Variants in NCAM2 observed in about 807,000 individuals in gnomAD.
The protein encoded by NCAM2 is N-CAM-2.
In NCAM2, 30 loss-of-function variants were observed where a neutral mutation model predicts 98.1. The observed-to-expected ratio is 0.31, with a 90% CI of 0.23 to 0.41. The LOEUF (loss-of-function observed/expected upper bound fraction) is 0.41, where lower values mean the gene tolerates loss of function less well. Among genes scored for constraint, NCAM2 ranks in the 10% least tolerant of loss-of-function variants. NCAM2 has a pLI of 1.00. For synonymous variants in NCAM2, 368 were observed against 342.4 expected (o/e 1.07, Z -0.83); for missense variants, 867 against 1,005.8 (o/e 0.86, Z 1.87).
intron 4 of NCAM2, among the ~76,000 whole-genome samples, chr21:21,288,185 C>T (rs2073168443): frequency 6.6e-6 from 1 of 151,736 alleles, no homozygotes; most frequent in Admixed American, 6.6e-5. Context: ...TAAGGAATAG[C>T]CTGTACATGT....
intron 1 of NCAM2, among the ~76,000 whole-genome samples, chr21:21,181,065 C>T (rs1322220768): frequency 6.6e-6 from 1 of 152,056 alleles, no homozygotes; most frequent in Non-Finnish European, 1.5e-5. Context: ...TGAAACCTAA[C>T]CTACTGATCA....
intron 5 of NCAM2, among the ~76,000 whole-genome samples, chr21:21,300,217 A>G (rs1352887485): frequency 6.6e-6 from 1 of 151,970 alleles, no homozygotes; most frequent in Non-Finnish European, 1.5e-5. Context: ...GACCTGTGAG[A>G]GACAATCCCC....
At chr21:21,243,983 G>A (rs144649106) in intron 1 of NCAM2, among the ~76,000 whole-genome samples, 24 of 152,286 alleles carry the variant, frequency 1.6e-4, no homozygotes, top group African/African-American at 5.5e-4. Context: ...TTAATTATGA[G>A]TCAGTAGATC....
chr21:21,147,604 A>T (rs1162208142), intron 1 of NCAM2, among the ~76,000 whole-genome samples: 1 of 150,636 alleles, frequency 6.6e-6, no homozygotes, highest in South Asian at 2.1e-4. Flanking sequence ...CACTGTATAT[A>T]TATGTATATA....
chr21:21,172,760 G>T (rs974670231), intron 1 of NCAM2, among the ~76,000 whole-genome samples: 4 of 151,992 alleles, frequency 2.6e-5, no homozygotes, highest in Non-Finnish European at 5.9e-5. Context: ...ACTGAAAATT[G>T]GACACATATA....
At chr21:21,181,463 A>G (rs753182286) in intron 1 of NCAM2, among the ~76,000 whole-genome samples, 12 of 152,270 alleles carry the variant, frequency 7.9e-5, no homozygotes, top group East Asian at 1.9e-4. Flanking sequence ...TGCTTACCCA[A>G]TTACCAAAAC....
intron 16 of NCAM2, among the ~76,000 whole-genome samples, chr21:21,515,922 G>A (rs111817946): frequency 6.3e-4 from 96 of 152,114 alleles, no homozygotes; most frequent in Middle Eastern, 3.4e-3. Context: ...AATAGACCAT[G>A]GGCCATGTAA....
At chr21:21,528,956 T>G (rs1313942343) in intron 16 of NCAM2, among the ~76,000 whole-genome samples, 1 of 152,134 alleles carries the variant, frequency 6.6e-6, no homozygotes, top group Non-Finnish European at 1.5e-5. Flanking sequence ...TTCTAAACCC[T>G]GGGAAACAAA....
intron 1 of NCAM2, among the ~76,000 whole-genome samples, chr21:21,008,845 A>G (rs187169204): frequency 5.3e-5 from 8 of 152,256 alleles, no homozygotes; most frequent in Admixed American, 3.3e-4. Flanking sequence ...TCATTGAACA[A>G]TCCTATTCTC....
intron 1 of NCAM2, among the ~76,000 whole-genome samples, chr21:21,052,939 T>G (rs889784945): frequency 7.2e-5 from 11 of 152,198 alleles, no homozygotes; most frequent in Admixed American, 5.9e-4. Flanking sequence ...AAGGGTTTGT[T>G]TGTTTTTGTA....
intron 8 of NCAM2, among the ~76,000 whole-genome samples, chr21:21,353,246 T>A (rs1704787010): frequency 6.6e-6 from 1 of 152,216 alleles, no homozygotes; most frequent in South Asian, 2.1e-4. Context: ...CATAGTCCTA[T>A]GTACTTTATG....
intron 14 of NCAM2, among the ~76,000 whole-genome samples, chr21:21,475,045 TA>T (rs1037784888): frequency 1.5e-5 from 2 of 134,918 alleles, no homozygotes; most frequent in African/African-American, 5.3e-5. Context: ...AATGCACATA[TA>T]TATATATATA....
chr21:21,265,283 ATG>A (rs1486338248), intron 1 of NCAM2, among the ~76,000 whole-genome samples: 3 of 130,260 alleles, frequency 2.3e-5, no homozygotes, highest in African/African-American at 8.3e-5. Flanking sequence ...ATGTACACAT[ATG>A]TGTGTATATA....
chr21:21,323,261 G>A (rs1328480597), intron 5 of NCAM2, among the ~76,000 whole-genome samples: 1 of 152,056 alleles, frequency 6.6e-6, no homozygotes, highest in Admixed American at 6.6e-5. Flanking sequence ...TGTAATACTA[G>A]TAATTATTAT....
chr21:21,073,302 A>G (rs1187120226), intron 1 of NCAM2, among the ~76,000 whole-genome samples: 2 of 152,174 alleles, frequency 1.3e-5, no homozygotes, highest in Non-Finnish European at 2.9e-5. Context: ...CACTGAAAAC[A>G]CTAATTGTTA....
intron 1 of NCAM2, among the ~76,000 whole-genome samples, chr21:21,007,862 G>T (rs1158467919): frequency 6.6e-6 from 1 of 152,218 alleles, no homozygotes; most frequent in South Asian, 2.1e-4. Context: ...ATGCAGTCCC[G>T]TAGGTCTTGG....
At chr21:21,428,279 G>A (rs549629616) in intron 11 of NCAM2, among the ~76,000 whole-genome samples, 34 of 152,186 alleles carry the variant, frequency 2.2e-4, no homozygotes, top group Non-Finnish European at 4.1e-4. Flanking sequence ...GAATAATAGT[G>A]TGTAAAACTG....
At chr21:21,512,589 A>T (rs1197767054) in intron 16 of NCAM2, among the ~76,000 whole-genome samples, 1 of 151,928 alleles carries the variant, frequency 6.6e-6, no homozygotes, top group Non-Finnish European at 1.5e-5. Context: ...GTGTTTCCAT[A>T]TACATTTTAC....
intron 1 of NCAM2, among the ~76,000 whole-genome samples, chr21:21,198,427 T>C (rs369070423): frequency 6.6e-6 from 1 of 152,100 alleles, no homozygotes. Context: ...GAAAATGATA[T>C]AAAAAATGCA....
Sources: gnomAD v4.1 joint callset for allele counts (sites outside exome capture counted in the v4.1 genomes callset) on GRCh38, gnomAD v4.1.1 for gene constraint, MANE v1.5 for transcripts, NCBI Gene and HGNC (gene_info 2026-07-23, HGNC 2026-07-21) for gene names.